The following FARP1 variants were observed in gnomAD, a reference collection of about 807,000 sequenced individuals.
FARP1 encodes the protein FERM, ARH/RhoGEF and pleckstrin domain protein 1, also known as FERM, ARHGEF and pleckstrin domain-containing protein 1.
In FARP1, 52 loss-of-function variants were observed where a neutral mutation model predicts 128.8. The observed-to-expected ratio is 0.40, with a 90% CI of 0.32 to 0.51. FARP1 has a LOEUF of 0.51. FARP1 is among the 20% of genes least tolerant of loss of function. FARP1 has a pLI of 0.45. For missense variants in FARP1, 1,333 were observed against 1,367.9 expected (o/e 0.97, Z 0.40); for synonymous variants, 580 against 551.8 (o/e 1.05, Z -0.72).
chr13:98,177,403 C>G (rs1878167091), intron 1 of FARP1: 3 of 542,350 alleles, frequency 5.5e-6, no homozygotes, highest in African/African-American at 1.9e-5. Context: ...TCCCGGGACA[C>G]TGGGAGGCCG....
chr13:98,417,016 G>T (rs184995985), intron 16 of FARP1, among the ~76,000 whole-genome samples: 58 of 152,342 alleles, frequency 3.8e-4, no homozygotes, highest in African/African-American at 1.4e-3. Flanking sequence ...TGAATGTCGA[G>T]ATATCACTGA....
At chr13:98,424,745 G>T in intron 17 of FARP1, 95 bp downstream of exon 17, 1 of 830,330 alleles carries the variant, frequency 1.2e-6, no homozygotes, top group Non-Finnish European at 2.1e-6. Context: ...CCATCAGCAT[G>T]CATCACCTGA....
At chr13:98,347,054 G>T (rs1267074857) in intron 3 of FARP1, among the ~76,000 whole-genome samples, 2 of 152,206 alleles carry the variant, frequency 1.3e-5, no homozygotes, top group Admixed American at 1.3e-4. Flanking sequence ...AAGTGCCACA[G>T]GCCAGTCTTG....
chr13:98,179,900 C>T (rs1481553452), intron 1 of FARP1, among the ~76,000 whole-genome samples: 1 of 151,932 alleles, frequency 6.6e-6, no homozygotes, highest in African/African-American at 2.4e-5. Flanking sequence ...TGACTTAATT[C>T]CTCATTTTTA....
At chr13:98,216,913 C>G (rs1881093418) in intron 2 of FARP1, among the ~76,000 whole-genome samples, 1 of 152,166 alleles carries the variant, frequency 6.6e-6, no homozygotes, top group Non-Finnish European at 1.5e-5. Context: ...AAACACCGTG[C>G]AAATAAGCTT....
chr13:98,325,250 A>G (rs1172913394), intron 2 of FARP1, among the ~76,000 whole-genome samples: 3 of 152,050 alleles, frequency 2.0e-5, no homozygotes, highest in Non-Finnish European at 2.9e-5. Flanking sequence ...CAGTGCTTCT[A>G]TTTTTTACAT....
At chr13:98,200,419 G>A (rs1261327288) in intron 1 of FARP1, among the ~76,000 whole-genome samples, 1 of 148,486 alleles carries the variant, frequency 6.7e-6, no homozygotes, top group Non-Finnish European at 1.5e-5. Context: ...GATTCAGTGG[G>A]GCTGAGCTGG....
chr13:98,354,673 A>AT (rs778978052), intron 3 of FARP1, among the ~76,000 whole-genome samples: 12 of 152,244 alleles, frequency 7.9e-5, no homozygotes, highest in Non-Finnish European at 1.3e-4. Context: ...CGTAAGAGAA[A>AT]TGAAAGCTTA....
At chr13:98,239,504 T>C (rs866956121) in intron 2 of FARP1, among the ~76,000 whole-genome samples, 1 of 152,208 alleles carries the variant, frequency 6.6e-6, no homozygotes, top group Admixed American at 6.5e-5. Context: ...CACTGTGGAA[T>C]CATTTTAAGT....
chr13:98,300,390 A>G (rs1487569892), intron 2 of FARP1, among the ~76,000 whole-genome samples: 4 of 152,120 alleles, frequency 2.6e-5, no homozygotes, highest in Non-Finnish European at 4.4e-5. Context: ...CCACATCTCT[A>G]TCATCGTTCT....
chr13:98,384,927 C>G, intron 7 of FARP1, 83 bp downstream of exon 7: 2 of 790,320 alleles, frequency 2.5e-6, no homozygotes, highest in Admixed American at 1.9e-5. Context: ...CCCTCCACCC[C>G]CCACACAAAC....
chr13:98,324,612 G>A (rs1429047058), intron 2 of FARP1, among the ~76,000 whole-genome samples: 1 of 152,138 alleles, frequency 6.6e-6, no homozygotes, highest in African/African-American at 2.4e-5. Flanking sequence ...AGAAAAAAAA[G>A]GCGATGTACT....
rs765062045 is a variant in FARP1 at position 98,176,801 on chromosome 13, TGTG to T, written c.-24+33312_-24+33314del. 1.2e-6 allele frequency: 2 copies of T among 1,613,178 alleles called. No homozygotes were observed. The highest frequency in any genetic ancestry group is 1.7e-5 in the Admixed American group (1 of 59,954). On this transcript the variant is annotated intron_variant, in intron 1 of 26. Transcript: ENST00000319562. This position sits in a 1 kb window ranked among gnomAD's most constrained non-coding sequence, Gnocchi z 6.2. ...AGGTAGCTGTGGATTCCCCGGTAGA[TGTG>T]GTCGTGCTCCCGACCCCGCAGTGCC... is the stretch of plus-strand genomic sequence containing the variant.
intron 16 of FARP1, among the ~76,000 whole-genome samples, chr13:98,416,035 C>G (rs577019709): frequency 6.6e-6 from 1 of 152,240 alleles, no homozygotes; most frequent in Non-Finnish European, 1.5e-5. Context: ...AGCGGGGAAG[C>G]TGATCATTTT....
intron 13 of FARP1, chr13:98,407,076 C>G (rs1891008620): frequency 6.5e-6 from 1 of 152,708 alleles, no homozygotes; most frequent in South Asian, 2.1e-4. Flanking sequence ...CCAACTCTTT[C>G]AATGATGAGG....
At chr13:98,395,807 G>T (rs1890515326) in intron 13 of FARP1, 6 of 402,996 alleles carry the variant, frequency 1.5e-5, no homozygotes. Flanking sequence ...CCAAGGCATA[G>T]CTCTCTCATA....
intron 1 of FARP1, among the ~76,000 whole-genome samples, chr13:98,153,404 A>G (rs1270031544): frequency 1.2e-5 from 1 of 85,396 alleles, no homozygotes; most frequent in Admixed American, 1.6e-4. Flanking sequence ...TACATTATAT[A>G]TAAATATGTA....
chr13:98,419,137 G>GA (rs1249415887), intron 16 of FARP1, among the ~76,000 whole-genome samples: 1 of 152,168 alleles, frequency 6.6e-6, no homozygotes, highest in Non-Finnish European at 1.5e-5. Flanking sequence ...GGACTTTAAT[G>GA]AAAAATCCAC....
intron 1 of FARP1, among the ~76,000 whole-genome samples, chr13:98,188,116 C>T (rs1021016663): frequency 1.3e-5 from 2 of 152,146 alleles, no homozygotes; most frequent in African/African-American, 4.8e-5. Flanking sequence ...ACATGGCTGC[C>T]GCTTGTTGTT....
Sources: allele counts gnomAD v4.1 joint callset (sites outside exome capture counted in the v4.1 genomes callset), GRCh38; gene constraint gnomAD v4.1.1; non-coding constraint Gnocchi (gnomAD v3.1); transcripts MANE v1.5; gene names NCBI Gene and HGNC (gene_info 2026-07-23, HGNC 2026-07-21).